Variants in CPQ observed in about 807,000 individuals in gnomAD.
CPQ encodes the protein Ser-Met dipeptidase.
A neutral mutation model predicts 45.7 loss-of-function variants in CPQ; 37 were observed. The observed-to-expected ratio is 0.81, with a 90% CI of 0.62 to 1.07. CPQ has a LOEUF of 1.07. Ranked by LOEUF, CPQ falls within the 50% of genes least tolerant of loss-of-function variation. CPQ has a pLI of 0.00. For missense variants in CPQ, 537 were observed against 572.9 expected, an observed-to-expected ratio of 0.94 and a Z score of 0.64; for synonymous variants, 186 against 205.8, an observed-to-expected ratio of 0.90 and a Z score of 0.82.
chr8:96,789,505 G>T (rs925378877), intron 2 of CPQ, among the ~76,000 whole-genome samples: 1 of 152,116 alleles, frequency 6.6e-6, no homozygotes, highest in African/African-American at 2.4e-5. Context: ...TTGGTCAAAG[G>T]TTATGCTTAG....
At chr8:96,808,892 C>A (rs985340832) in intron 2 of CPQ, among the ~76,000 whole-genome samples, 6 of 152,086 alleles carry the variant, frequency 3.9e-5, no homozygotes, top group Non-Finnish European at 7.4e-5. Context: ...GCATATGCAT[C>A]CCGTAATGTT....
At chr8:96,742,568 T>C (rs1810108112) in intron 1 of CPQ, among the ~76,000 whole-genome samples, 1 of 152,152 alleles carries the variant, frequency 6.6e-6, no homozygotes, top group African/African-American at 2.4e-5. Flanking sequence ...TTCTTCCTAG[T>C]CTCGATGGTC....
At chr8:97,078,763 T>TCTC (rs1810893385) in intron 7 of CPQ, among the ~76,000 whole-genome samples, 2 of 100,290 alleles carry the variant, frequency 2.0e-5, no homozygotes, top group South Asian at 4.1e-4. Flanking sequence ...TCATTTCCAT[T>TCTC]TCTCTCTCTC....
chr8:97,043,594 C>T (rs973935988), intron 6 of CPQ, among the ~76,000 whole-genome samples: 1 of 152,166 alleles, frequency 6.6e-6, no homozygotes, highest in Non-Finnish European at 1.5e-5. Flanking sequence ...ATGGTCTTTA[C>T]AATTTGGCAT....
At chr8:97,048,660 T>TCAATGAAAGGTGGCTG (rs1810302534) in intron 6 of CPQ, among the ~76,000 whole-genome samples, 1 of 152,204 alleles carries the variant, frequency 6.6e-6, no homozygotes, top group African/African-American at 2.4e-5. Context: ...TTGTTCTTCT[T>TCAATGAAAGGTGGCTG]CAATGAAAGG....
intron 4 of CPQ, among the ~76,000 whole-genome samples, chr8:96,912,859 T>C (rs1812686022): frequency 6.6e-6 from 1 of 152,190 alleles, no homozygotes; most frequent in South Asian, 2.1e-4. Flanking sequence ...ATGGGGCCAT[T>C]TTGAGCCCCT....
At chr8:96,911,000 G>A (rs530356497) in intron 4 of CPQ, among the ~76,000 whole-genome samples, 31 of 151,774 alleles carry the variant, frequency 2.0e-4, no homozygotes, top group African/African-American at 6.8e-4. Flanking sequence ...ACTGAAAGAT[G>A]CAGTAAAAAG....
chr8:97,103,112 C>T (rs1811343022), intron 7 of CPQ, among the ~76,000 whole-genome samples: 1 of 152,174 alleles, frequency 6.6e-6, no homozygotes, highest in Non-Finnish European at 1.5e-5. Flanking sequence ...ATTATGGTTA[C>T]ATTGGACCCA....
chr8:96,773,256 C>T (rs1308898696), intron 1 of CPQ, among the ~76,000 whole-genome samples: 1 of 151,954 alleles, frequency 6.6e-6, no homozygotes, highest in Non-Finnish European at 1.5e-5. Flanking sequence ...GTTTAATATG[C>T]AAAGACAAAT....
chr8:96,955,780 T>C (rs1813346779), intron 4 of CPQ, among the ~76,000 whole-genome samples: 2 of 152,244 alleles, frequency 1.3e-5, no homozygotes, highest in Non-Finnish European at 2.9e-5. Flanking sequence ...GGGAAAGGAT[T>C]CCCTATTTAA....
intron 1 of CPQ, among the ~76,000 whole-genome samples, chr8:96,653,298 AT>A (rs1275728609): frequency 1.3e-5 from 2 of 151,882 alleles, no homozygotes; most frequent in Admixed American, 1.3e-4. Flanking sequence ...TGCAGTTTTG[AT>A]TTGCATTTCT....
chr8:97,022,505 A>G (rs1809706416), intron 5 of CPQ, among the ~76,000 whole-genome samples: 1 of 152,190 alleles, frequency 6.6e-6, no homozygotes, highest in Non-Finnish European at 1.5e-5. Flanking sequence ...TAATATCCAG[A>G]ATCTACAGTG....
intron 3 of CPQ, among the ~76,000 whole-genome samples, chr8:96,872,446 C>G (rs778308590): frequency 6.6e-6 from 1 of 151,778 alleles, no homozygotes; most frequent in African/African-American, 2.4e-5. Flanking sequence ...TATACGGTAC[C>G]AGATTTTTAT....
At chr8:96,695,000 G>A (rs1227511925) in intron 1 of CPQ, among the ~76,000 whole-genome samples, 1 of 151,910 alleles carries the variant, frequency 6.6e-6, no homozygotes, top group Non-Finnish European at 1.5e-5. Flanking sequence ...TGAGCCAAAA[G>A]AACAAAGCTG....
chr8:97,081,273 C>T (rs993903811), intron 7 of CPQ, among the ~76,000 whole-genome samples: 36 of 152,156 alleles, frequency 2.4e-4, no homozygotes, highest in African/African-American at 8.4e-4. Flanking sequence ...ATTCCAGACT[C>T]ACTACTCCTC....
chr8:96,854,767 A>T (rs1446260484), intron 3 of CPQ, among the ~76,000 whole-genome samples: 2 of 152,128 alleles, frequency 1.3e-5, no homozygotes, highest in African/African-American at 4.8e-5. Flanking sequence ...CTTTAGTTAC[A>T]GTCTGAGTTT....
At chr8:96,793,794 C>T (rs933828048) in intron 2 of CPQ, among the ~76,000 whole-genome samples, 1 of 152,150 alleles carries the variant, frequency 6.6e-6, no homozygotes, top group African/African-American at 2.4e-5. Flanking sequence ...TAAATACAGC[C>T]ATTCCTTGTG....
At chr8:96,838,939 C>T (rs939809814) in intron 3 of CPQ, among the ~76,000 whole-genome samples, 2 of 152,080 alleles carry the variant, frequency 1.3e-5, no homozygotes, top group Middle Eastern at 3.2e-3. Context: ...TACATTTTTT[C>T]TGCCACTACA....
chr8:97,069,039 T>C (rs190982222), intron 7 of CPQ, among the ~76,000 whole-genome samples: 12 of 152,344 alleles, frequency 7.9e-5, no homozygotes, highest in Non-Finnish European at 7.4e-5. Context: ...GATTTACCCC[T>C]GGGAGAAAGG....
Sources: gnomAD v4.1 joint callset for allele counts (sites outside exome capture counted in the v4.1 genomes callset) on GRCh38, gnomAD v4.1.1 for gene constraint, MANE v1.5 for transcripts, NCBI Gene and HGNC (gene_info 2026-07-23, HGNC 2026-07-21) for gene names.